C11orf97: variants seen among roughly 807,000 people sequenced by gnomAD.
C11orf97 encodes the protein uncharacterized protein C11orf97.
In C11orf97, 15 loss-of-function variants were observed where a neutral mutation model predicts 16.2. That is an observed-to-expected ratio of 0.93 (90% CI 0.62 to 1.43). The LOEUF is 1.43. Ranked by LOEUF, C11orf97 falls within the 40% of genes most tolerant of loss-of-function variation. C11orf97 has a pLI of 0.00. For missense variants in C11orf97, 171 were observed against 161.2 expected (o/e 1.06, Z -0.33); for synonymous variants, 61 against 65.7 (o/e 0.93, Z 0.34).
At chr11:94,516,988 A>ATCTC (rs1591746001) in intron 1 of C11orf97, among the ~76,000 whole-genome samples, 4 of 152,308 alleles carry the variant, frequency 2.6e-5, no homozygotes, top group East Asian at 3.9e-4. Context: ...CATTTCTGAG[A>ATCTC]AGAAATGTAG....
At chr11:94,529,542 T>A (rs185908838) in intron 3 of C11orf97, among the ~76,000 whole-genome samples, 3 of 152,294 alleles carry the variant, frequency 2.0e-5, no homozygotes, top group African/African-American at 7.2e-5. Flanking sequence ...GAGTTGAGGA[T>A]TATAATCTCC....
intron 2 of C11orf97, among the ~76,000 whole-genome samples, chr11:94,521,244 C>T (rs1947655334): frequency 1.3e-5 from 2 of 152,178 alleles, no homozygotes; most frequent in Admixed American, 1.3e-4. Context: ...AAATTTTATG[C>T]AGACAGTCCC....
At chr11:94,513,030 C>A (rs1947582442) in intron 1 of C11orf97, among the ~76,000 whole-genome samples, 1 of 151,912 alleles carries the variant, frequency 6.6e-6, no homozygotes, top group Non-Finnish European at 1.5e-5. Context: ...TGTATGTATG[C>A]GTATACACCC....
chr11:94,522,588 C>T (rs1269249698), intron 2 of C11orf97, among the ~76,000 whole-genome samples: 2 of 152,146 alleles, frequency 1.3e-5, no homozygotes, highest in Non-Finnish European at 2.9e-5. Flanking sequence ...CGACTTGCTG[C>T]TTCCCCTATA....
chr11:94,528,529 T>C (rs1237250278), intron 3 of C11orf97, among the ~76,000 whole-genome samples: 1 of 152,182 alleles, frequency 6.6e-6, no homozygotes, highest in Non-Finnish European at 1.5e-5. Flanking sequence ...TCCTGTACTG[T>C]CTTTTCTTCT....
intron 2 of C11orf97, 72 bp from the exon 3 acceptor site, chr11:94,528,012 A>G: frequency 5.0e-6 from 7 of 1,389,790 alleles, no homozygotes; most frequent in Non-Finnish European, 6.6e-6. Context: ...CACCAATTAA[A>G]TACTTTAAAA....
chr11:94,519,437 C>A (rs1011135943), intron 2 of C11orf97, among the ~76,000 whole-genome samples: 3 of 99,444 alleles, frequency 3.0e-5, no homozygotes, highest in Non-Finnish European at 2.2e-5. Context: ...ACATTTTTTT[C>A]TAAGTCTATA....
At chr11:94,523,258 T>C (rs1296571585) in intron 2 of C11orf97, among the ~76,000 whole-genome samples, 1 of 152,190 alleles carries the variant, frequency 6.6e-6, no homozygotes, top group Admixed American at 6.5e-5. Context: ...TACATACTGT[T>C]TTGTAGATAT....
intron 2 of C11orf97, among the ~76,000 whole-genome samples, chr11:94,519,256 G>T (rs77300843): frequency 6.6e-6 from 1 of 152,094 alleles, no homozygotes; most frequent in African/African-American, 2.4e-5. Context: ...GGGTCTTCTC[G>T]TATGACCCAT....
chr11:94,514,670 A>G (rs1430020178), intron 1 of C11orf97, among the ~76,000 whole-genome samples: 3 of 115,130 alleles, frequency 2.6e-5, no homozygotes, highest in Admixed American at 2.2e-4. Context: ...TTTTAGACAG[A>G]GTCTTACTCT....
intron 2 of C11orf97, among the ~76,000 whole-genome samples, chr11:94,521,924 T>C (rs1239211504): frequency 6.6e-6 from 1 of 152,224 alleles, no homozygotes; most frequent in African/African-American, 2.4e-5. Flanking sequence ...ACATTTCACA[T>C]AGTCGATGGC....
At position 94,512,598 on chromosome 11, in the gene C11orf97, C is replaced by T; in HGVS notation, c.70C>T (p.Pro24Ser). ...CAAGGCGGGTCGCGAAGAGGAGCAG[C>T]CTCCTCCGCCAGCAGGGCTGGGGTG... ...APKAGREEEQ[P>S]PPPAGLGCGA... is the part of the protein sequence containing the mutation. Residue 24 changes from proline (P) to serine (S), a missense_variant, in exon 1 of 4, where the codon CCT (proline) becomes TCT (serine). Pro to Ser is a moderately conservative substitution (Grantham distance 74). Transcript: ENST00000542198. 7.8e-7 allele frequency: 1 copy of T among 1,279,478 alleles called. No homozygotes were observed. Among genetic ancestry groups the T allele is most frequent in the Non-Finnish European group, 9.9e-7 (1 of 1,012,560 alleles). The allele number at this position is 1,279,478 out of a possible 1,614,324, so 79.3% of individuals were successfully genotyped here.
At chr11:94,524,627 T>A (rs1025112696) in intron 2 of C11orf97, among the ~76,000 whole-genome samples, 1 of 148,450 alleles carries the variant, frequency 6.7e-6, no homozygotes, top group African/African-American at 2.5e-5. Flanking sequence ...TCTCATCAGA[T>A]CTTTTAATCA....
chr11:94,520,808 C>T (rs889126914), intron 2 of C11orf97, among the ~76,000 whole-genome samples: 3 of 152,240 alleles, frequency 2.0e-5, no homozygotes, highest in Non-Finnish European at 4.4e-5. Flanking sequence ...GCCTCTGCTA[C>T]TGCCCCTGCT....
At chr11:94,529,158 A>G (rs1222047353) in intron 3 of C11orf97, among the ~76,000 whole-genome samples, 3 of 152,142 alleles carry the variant, frequency 2.0e-5, no homozygotes, top group African/African-American at 7.2e-5. Context: ...CCTGTCTCCA[A>G]AGTCCATGCT....
intron 3 of C11orf97, among the ~76,000 whole-genome samples, chr11:94,529,929 T>A (rs190724183): frequency 1.3e-5 from 2 of 152,320 alleles, no homozygotes; most frequent in East Asian, 3.9e-4. Flanking sequence ...TCCACTCAAT[T>A]TCTTAGGTTC....
rs553285341 is a variant in C11orf97 at position 94,530,579 on chromosome 11, A to G, written c.377-1317A>G. Among the ~76,000 whole-genome samples, 7 of 152,360 alleles carry G rather than the reference A, an allele frequency of 4.6e-5. No individual in the cohort carries two copies. In the South Asian group the frequency reaches 8.3e-4, roughly 18 times the overall value. ...GACTGTGTTTTACTCACCACTGTGTATCTGGCACTTAGCACAGTGCCTGGC... is the reference window on the plus strand; with the variant it reads ...GACTGTGTTTTACTCACCACTGTGTGTCTGGCACTTAGCACAGTGCCTGGC... On this transcript the variant is annotated intron_variant, in intron 3 of 3. Coordinates refer to ENST00000542198, the MANE Select transcript of C11orf97 (RefSeq NM_001190462.2).
chr11:94,531,526 C>CAAAAAAAAAA (rs35270400), intron 3 of C11orf97, among the ~76,000 whole-genome samples: 6 of 92,076 alleles, frequency 6.5e-5, no homozygotes, highest in Non-Finnish European at 8.4e-5. Flanking sequence ...CAAAACAAGC[C>CAAAAAAAAAA]AAAAAAAAAA....
At chr11:94,520,207 A>G (rs935532238) in intron 2 of C11orf97, among the ~76,000 whole-genome samples, 2 of 152,176 alleles carry the variant, frequency 1.3e-5, no homozygotes, top group Admixed American at 6.5e-5. Flanking sequence ...GTCAAATCCA[A>G]TGATCCCTCC....
Sources: gnomAD v4.1 joint callset for allele counts (sites outside exome capture counted in the v4.1 genomes callset) on GRCh38, gnomAD v4.1.1 for gene constraint, MANE v1.5 for transcripts, NCBI Gene and HGNC (gene_info 2026-07-23, HGNC 2026-07-21) for gene names.